STARD13: variants seen among roughly 807,000 people sequenced by gnomAD.
The protein encoded by STARD13 is stAR-related lipid transfer protein 13.
Under a neutral mutation model 106.4 loss-of-function variants are expected in STARD13, and 62 were observed. The observed-to-expected ratio is 0.58, with a 90% confidence interval of 0.48 to 0.72. The LOEUF (loss-of-function observed/expected upper bound fraction) is 0.72, where lower values mean the gene tolerates loss of function less well. STARD13 is among the 30% of genes least tolerant of loss of function. The pLI is 0.00. For synonymous variants in STARD13, 565 were observed against 553.0 expected (o/e 1.02, Z -0.31); for missense variants, 1,387 against 1,424.0 (o/e 0.97, Z 0.42).
chr13:33,544,249 C>T, the STARD13 span, among the ~76,000 whole-genome samples: 1 of 152,110 alleles, frequency 6.6e-6, no homozygotes, highest in Admixed American at 6.6e-5. Flanking sequence ...ATTCTCTACC[C>T]CCAGCCCACT....
chr13:33,443,130 G>A, the STARD13 span, among the ~76,000 whole-genome samples: 4 of 152,088 alleles, frequency 2.6e-5, no homozygotes, highest in Non-Finnish European at 5.9e-5. Flanking sequence ...TGTAATCCCA[G>A]CACTTTGGGA....
the STARD13 span, chr13:33,511,444 T>C: frequency 2.6e-5 from 4 of 152,254 alleles, no homozygotes; most frequent in South Asian, 2.1e-4. Flanking sequence ...TAAACTGAGA[T>C]GGCATTAAAA....
At chr13:33,501,208 C>G in the STARD13 span, among the ~76,000 whole-genome samples, 1 of 150,634 alleles carries the variant, frequency 6.6e-6, no homozygotes, top group Non-Finnish European at 1.5e-5. Flanking sequence ...TCCTGAGTAG[C>G]TGGGATTACA....
At chr13:33,400,086 A>G in the STARD13 span, among the ~76,000 whole-genome samples, 1 of 151,980 alleles carries the variant, frequency 6.6e-6, no homozygotes, top group Non-Finnish European at 1.5e-5. Context: ...GAACATGTTC[A>G]TCTTGTAACT....
chr13:33,524,311 G>C, the STARD13 span: 7 of 1,262,372 alleles, frequency 5.5e-6, no homozygotes, highest in African/African-American at 9.2e-5. Context: ...TGCAGTTTTA[G>C]TTCTACAAAT....
the STARD13 span, among the ~76,000 whole-genome samples, chr13:33,424,854 A>G: frequency 3.5e-4 from 53 of 152,344 alleles, no homozygotes; most frequent in African/African-American, 1.2e-3. Flanking sequence ...AAAACTTGCA[A>G]TGTTACTCAA....
chr13:33,657,217 C>T, the STARD13 span, among the ~76,000 whole-genome samples: 2 of 152,142 alleles, frequency 1.3e-5, no homozygotes, highest in Admixed American at 1.3e-4. Flanking sequence ...TTGCAATGAG[C>T]AGAGATTGTG....
the STARD13 span, among the ~76,000 whole-genome samples, chr13:33,364,267 A>G: frequency 6.6e-6 from 1 of 152,192 alleles, no homozygotes; most frequent in Non-Finnish European, 1.5e-5. Context: ...AGAGTTCGAG[A>G]CCAACCTAAG....
chr13:33,340,688 A>G (rs1566148791), intron 1 of STARD13, among the ~76,000 whole-genome samples: 1 of 152,224 alleles, frequency 6.6e-6, no homozygotes, highest in African/African-American at 2.4e-5. Flanking sequence ...AGATTCTGAA[A>G]ATTTTATTTT....
the STARD13 span, among the ~76,000 whole-genome samples, chr13:33,499,604 T>TTCTTCTTCTTCTTCC: frequency 5.0e-5 from 2 of 39,898 alleles, 1 homozygote; most frequent in Non-Finnish European, 9.9e-5. Context: ...CTTCTTCTTC[T>TTCTTCTTCTTCTTCC]TTCTTCTTCT....
chr13:33,294,963 T>C lies in STARD13; in HGVS notation c.124+55327A>G, dbSNP rs866084168. Among the ~76,000 whole-genome samples the C allele has an allele frequency of 1.4e-4, 21 of 152,256 alleles. No homozygotes were observed. In the East Asian group the frequency reaches 3.7e-3, roughly 27 times the overall value. On this transcript the variant is annotated intron_variant, in intron 1 of 5. Transcript: ENST00000567873. ...AGTGAGAGGCACACCATTATTACGATTGTCTGCTGACCTGTTGCCCTGGAT... is the reference window on the plus strand; with the variant it reads ...AGTGAGAGGCACACCATTATTACGACTGTCTGCTGACCTGTTGCCCTGGAT...
chr13:33,268,296 A>T (rs911473627), intron 1 of STARD13, among the ~76,000 whole-genome samples: 2 of 152,184 alleles, frequency 1.3e-5, no homozygotes, highest in African/African-American at 4.8e-5. Context: ...CTCATTTCAG[A>T]TTCACTAGGA....
chr13:33,335,978 CATTCATTCATTCATTA>C (rs139609792), intron 1 of STARD13, among the ~76,000 whole-genome samples: 84,183 of 137,220 alleles, frequency 0.61, 25,128 homozygotes, highest in East Asian at 0.94. Context: ...TTCATTCATT[CATTCATTCATTCATTA>C]ATTCATTCAC....
intron 1 of STARD13, among the ~76,000 whole-genome samples, chr13:33,260,323 A>C (rs1007989544): frequency 2.6e-5 from 4 of 152,244 alleles, no homozygotes; most frequent in African/African-American, 9.6e-5. Context: ...GCAATGAAAG[A>C]GAAAGGGGTG....
chr13:33,317,717 T>C (rs1423761649), intron 1 of STARD13, among the ~76,000 whole-genome samples: 2 of 152,306 alleles, frequency 1.3e-5, no homozygotes, highest in South Asian at 2.1e-4. Context: ...TACTATGTTA[T>C]ATATTTATTG....
At chr13:33,301,790 G>A (rs1276993723) in intron 1 of STARD13, among the ~76,000 whole-genome samples, 1 of 151,844 alleles carries the variant, frequency 6.6e-6, no homozygotes, top group African/African-American at 2.4e-5. Context: ...GGATGGTCTC[G>A]ATCTCCTAAC....
chr13:33,465,735 C>T, the STARD13 span, among the ~76,000 whole-genome samples: 1 of 152,032 alleles, frequency 6.6e-6, no homozygotes, highest in Non-Finnish European at 1.5e-5. Context: ...TCCAGACTGG[C>T]TAGGAAAAAA....
intron 1 of STARD13, among the ~76,000 whole-genome samples, chr13:33,220,856 G>T (rs1888318236): frequency 6.6e-6 from 1 of 152,134 alleles, no homozygotes; most frequent in Non-Finnish European, 1.5e-5. Context: ...TATATTAACA[G>T]AAAATGTTTG....
intron 3 of STARD13, chr13:33,158,454 ACT>A (rs1374711285): frequency 6.6e-6 from 1 of 151,752 alleles, no homozygotes; most frequent in East Asian, 1.9e-4. Flanking sequence ...GAGCTCTTTG[ACT>A]CTCCCATCTT....
Sources: allele counts gnomAD v4.1 joint callset (sites outside exome capture counted in the v4.1 genomes callset), GRCh38; gene constraint gnomAD v4.1.1; transcripts MANE v1.5; gene names NCBI Gene and HGNC (gene_info 2026-07-23, HGNC 2026-07-21).